Variants in GDF1 observed in about 807,000 individuals in gnomAD.
The protein encoded by GDF1 is growth differentiation factor 1.
GDF1 carries 8 observed loss-of-function variants against 7.4 expected under a neutral mutation model. The observed-to-expected ratio is 1.09, with a 90% CI of 0.64 to 1.96. GDF1 has a LOEUF of 1.96. GDF1 is among the 30% of genes most tolerant of loss of function. The probability of loss-of-function intolerance (pLI) is 0.00; values close to 1 mark genes in which losing one functional copy is unlikely to be tolerated. For synonymous variants in GDF1, 311 were observed against 276.7 expected (o/e 1.12, Z -1.23); for missense variants, 574 against 551.5 (o/e 1.04, Z -0.41).
In GDF1 at chr19:18,872,803, C is replaced by T. The variant is rs912353242; in HGVS notation, c.-312-2184G>A. On this transcript the variant is annotated intron_variant, in intron 6 of 7. Coordinates refer to ENST00000247005, the MANE Select transcript of GDF1 (RefSeq NM_001492.6). ...GTGCTGGGATTACAGGCGTGAGCGC[C>T]GCGCCTGGCTAATTTTTATATTTTT... 3.3e-5 allele frequency among the ~76,000 whole-genome samples: 5 copies of T among 151,482 alleles called. No individual in the cohort carries two copies. In the South Asian group the frequency reaches 8.4e-4, roughly 25 times the overall value.
Position 18,869,224 on chromosome 19 carries a change from C to G in GDF1, c.492G>C (p.Glu164Asp), listed in dbSNP as rs1416772401. 1.4e-5 allele frequency: 19 copies of G among 1,375,642 alleles called. No individual in the cohort carries two copies. Among genetic ancestry groups the G allele is most frequent in the Non-Finnish European group, 1.8e-5 (19 of 1,075,346 alleles). The allele number at this position is 1,375,642 out of a possible 1,614,324, so 85.2% of individuals were successfully genotyped here. A position where few individuals can be genotyped will look rare whatever the true frequency, so the allele number is the denominator to read the frequency against. Reference protein sequence around the residue: ...AAAAAPEGGWELSVAQAGQGA... With the variant: ...AAAAAPEGGWDLSVAQAGQGA... Reference sequence around the variant, plus strand: ...CCTGGCCCGCTTGCGCCACGCTCAGCTCCCAGCCGCCCTCCGGGGCTGCCG... The same window carrying G: ...CCTGGCCCGCTTGCGCCACGCTCAGGTCCCAGCCGCCCTCCGGGGCTGCCG... The change falls in exon 8 of 8, where the codon GAG becomes GAC. Residue 164 changes from glutamate (E) to aspartate (D), a missense_variant. Physicochemically the swap from Glu to Asp is conservative, Grantham distance 45 (BLOSUM62 2). Transcript: ENST00000247005.
chr19:18,887,638 G>A (rs1371335479), intron 2 of GDF1, among the ~76,000 whole-genome samples: 2 of 151,164 alleles, frequency 1.3e-5, no homozygotes, highest in African/African-American at 2.4e-5. Flanking sequence ...CCACCTACTC[G>A]AAGGCTGAGG....
In GDF1 at chr19:18,870,349, G is replaced by A; in HGVS notation, c.-42C>T. On this transcript the variant is annotated 5_prime_UTR_variant, in exon 7 of 8. Coordinates refer to ENST00000247005, the MANE Select transcript of GDF1 (RefSeq NM_001492.6). This position sits in a 1 kb window ranked among gnomAD's most constrained non-coding sequence, Gnocchi z 5.1. Reference sequence around the variant, plus strand: ...GACCAGAGAGTGCGCAGGGTCCGCGGCGGCCCGGGACCAGTGGGCTGAGGG... The same window carrying A: ...GACCAGAGAGTGCGCAGGGTCCGCGACGGCCCGGGACCAGTGGGCTGAGGG... 6.5e-7 allele frequency: 1 copy of A among 1,541,846 alleles called. No homozygotes were observed. The highest frequency in any genetic ancestry group is 2.5e-5 in the East Asian group (1 of 40,726).
In GDF1 at chr19:18,870,257, C is replaced by A; in HGVS notation, c.51G>T (p.Leu17=). ...GPCGHHLLLL[L]ALLLPSLPLT... ...GGGGCAGCGAGGGCAGCAGCAGGGC[C>A]AGGAGGAGGAGGAGGTGGTGGCCGC... is the stretch of plus-strand genomic sequence containing the variant. Residue 17 remains leucine, a synonymous_variant, in exon 7 of 8, where the codon CTG becomes CTT. Transcript: ENST00000247005. This position sits in a 1 kb window ranked among gnomAD's most constrained non-coding sequence, Gnocchi z 5.1. 1 of 1,551,656 alleles carries A rather than the reference C, an allele frequency of 6.4e-7. No individual in the cohort carries two copies.
Position 18,869,107 on chromosome 19 carries a change from C to G in GDF1, c.609G>C (p.Trp203Cys). Residue 203 changes from tryptophan (W) to cysteine (C), a missense_variant, in exon 8 of 8, where the codon TGG (tryptophan) becomes TGC (cysteine). Transcript: ENST00000247005. ...PVRAELLGAA[W>C]ARNASWPRSL... ...TGCGCGGCCATGAGGCGTTGCGAGC[C>G]CAAGCGGCGCCCAGCAGCTCCGCGC... The G allele has an allele frequency of 9.2e-7, 1 of 1,082,808 alleles. No individual in the cohort carries two copies. Among genetic ancestry groups the G allele is most frequent in the South Asian group, 3.3e-5 (1 of 29,864 alleles). The allele number at this position is 1,082,808 out of a possible 1,614,324, so 67.1% of individuals were successfully genotyped here.
rs761391531 is a variant in GDF1 at position 18,893,471 on chromosome 19, G to T, written c.-969C>A. The stretch of plus-strand genomic sequence containing the variant: ...AGGGGTAGTCGGTGCCAAACAGCAG[G>T]TAGGCACTGTAGCTCCAGCTGCCCA... On this transcript the variant is annotated 5_prime_UTR_variant, in exon 2 of 8. An upstream open reading frame in the 5' UTR gains an earlier in-frame stop. Coordinates refer to ENST00000247005, the MANE Select transcript of GDF1 (RefSeq NM_001492.6). The T allele has an allele frequency of 6.2e-7, 1 of 1,607,026 alleles. No individual in the cohort carries two copies. The highest frequency in any genetic ancestry group is 2.2e-5 in the East Asian group (1 of 44,622).
intron 2 of GDF1, 97 bp downstream of exon 2, chr19:18,893,319 A>G: frequency 7.3e-7 from 1 of 1,378,990 alleles, no homozygotes; most frequent in Middle Eastern, 1.9e-4. Context: ...GGCTCCAGTG[A>G]TCCTCCTGCT....
rs1448679066 is a variant in GDF1 at position 18,878,002 on chromosome 19, C to T, written c.-313+928G>A. 2.7e-5 allele frequency: 27 copies of T among 985,372 alleles called. No individual in the cohort carries two copies. The highest frequency in any genetic ancestry group is 5.2e-4 in the Middle Eastern group (1 of 1,936). 61.0% of individuals were successfully genotyped at this position (985,372 alleles called of 1,614,324 possible). ...CTTCCAAACAGGGTGGGGGGTCTGA[C>T]GCTCCTCTGCCTGGCTACAGCCCCG... On this transcript the variant is annotated intron_variant, in intron 6 of 7. Transcript: ENST00000247005. The surrounding 1 kb of genome is among the most constrained non-coding windows in gnomAD (Gnocchi z 4.6).
Position 18,880,353 on chromosome 19 carries a change from A to C in GDF1, c.-650T>G, listed in dbSNP as rs776229587. The C allele has an allele frequency of 1.9e-6, 3 of 1,567,196 alleles. No individual in the cohort carries two copies. Among genetic ancestry groups the C allele is most frequent in the Non-Finnish European group, 2.6e-6 (3 of 1,156,070 alleles). The stretch of plus-strand genomic sequence containing the variant: ...TGGTAGGAGCCGCCGCGGGACTTGA[A>C]GTAAATGTTGAGCTTGGTGAACTCA... On this transcript the variant is annotated 5_prime_UTR_variant, in exon 4 of 8. Coordinates refer to ENST00000247005, the MANE Select transcript of GDF1 (RefSeq NM_001492.6).
chr19:18,874,309 ATTTTTAT>A (rs777430530), intron 6 of GDF1, among the ~76,000 whole-genome samples: 2 of 152,068 alleles, frequency 1.3e-5, no homozygotes, highest in Non-Finnish European at 2.9e-5. Context: ...ACAGTTTTCT[ATTTTTAT>A]TTTTTGAGAC....
Position 18,868,754 on chromosome 19 carries a change from C to A in GDF1, c.962G>T (p.Arg321Leu). 1 of 1,516,672 alleles carries A rather than the reference C, an allele frequency of 6.6e-7. No individual in the cohort carries two copies. Among genetic ancestry groups the A allele is most frequent in the Non-Finnish European group, 8.9e-7 (1 of 1,126,806 alleles). The allele number at this position is 1,516,672 out of a possible 1,614,324, so 94.0% of individuals were successfully genotyped here. The change falls in exon 8 of 8, where the codon CGC becomes CTC. Residue 321 changes from arginine (R) to leucine (L), a missense_variant. Arg to Leu is a moderately radical substitution (Grantham distance 102, BLOSUM62 -2). Transcript: ENST00000247005. ...GPPALNHAVLRALMHAAAPGA... is the reference protein window; with the variant it reads ...GPPALNHAVLLALMHAAAPGA... ...CGGGGCGGCCGCGTGCATGAGCGCGCGCAGCACAGCGTGGTTGAGCGCCGG... is the reference window on the plus strand; with the variant it reads ...CGGGGCGGCCGCGTGCATGAGCGCGAGCAGCACAGCGTGGTTGAGCGCCGG...
rs756469531 is a variant in GDF1 at position 18,870,141 on chromosome 19, C to T, written c.167G>A (p.Arg56Gln). The change falls in exon 7 of 8, where the codon CGG (arginine) becomes CAG (glutamine). Residue 56 changes from arginine to glutamine, a missense_variant. Transcript: ENST00000247005. This position sits in a 1 kb window ranked among gnomAD's most constrained non-coding sequence, Gnocchi z 5.1. Reference protein sequence around the residue: ...RDEPQGAPRLRPVPPVMWRLF... With the variant: ...RDEPQGAPRLQPVPPVMWRLF... ...GCGCCACATGACCGGGGGAACCGGC[C>T]GGAGCCTGGGGGCACCCTGGGGCTC... 1.3e-6 allele frequency: 2 copies of T among 1,564,296 alleles called. No individual in the cohort carries two copies. The highest frequency in any genetic ancestry group is 2.3e-5 in the East Asian group (1 of 43,688).
chr19:18,877,669 T>C (rs1345447729), intron 6 of GDF1, among the ~76,000 whole-genome samples: 1 of 150,438 alleles, frequency 6.6e-6, no homozygotes, highest in Admixed American at 6.7e-5. Flanking sequence ...GGAGGATCAC[T>C]TCCTGGGCCT....
At chr19:18,871,497 C>G (rs1382177498) in intron 6 of GDF1, among the ~76,000 whole-genome samples, 1 of 152,166 alleles carries the variant, frequency 6.6e-6, no homozygotes, top group Non-Finnish European at 1.5e-5. Flanking sequence ...GCTGGGATTA[C>G]AGGCGTGAGC....
At chr19:18,877,925 A>T in intron 6 of GDF1, 3 of 969,434 alleles carry the variant, frequency 3.1e-6, no homozygotes, top group Non-Finnish European at 3.7e-6. Flanking sequence ...GTCGTCTTTG[A>T]TTCTTTTATT....
chr19:18,880,674 C>T (rs1375002687), intron 3 of GDF1, among the ~76,000 whole-genome samples: 1 of 151,926 alleles, frequency 6.6e-6, no homozygotes, highest in East Asian at 1.9e-4. Flanking sequence ...CCTCAGTGTC[C>T]CCATGTGGCC....
rs1291714515 is a variant in GDF1 at position 18,870,117 on chromosome 19, C to T, written c.191G>A (p.Arg64His). Residue 64 changes from arginine (R) to histidine (H), a missense_variant, in exon 7 of 8, where the codon CGC becomes CAC. Physicochemically the swap from Arg to His is conservative, Grantham distance 29. Coordinates refer to ENST00000247005, the MANE Select transcript of GDF1 (RefSeq NM_001492.6). This position sits in a 1 kb window ranked among gnomAD's most constrained non-coding sequence, Gnocchi z 5.1. ...RLRPVPPVMW[R>H]LFRRRDPQET... ...CTGGGGGTCCCGGCGTCGAAACAGGCGCCACATGACCGGGGGAACCGGCCG... is the reference window on the plus strand; with the variant it reads ...CTGGGGGTCCCGGCGTCGAAACAGGTGCCACATGACCGGGGGAACCGGCCG... The T allele has an allele frequency of 1.3e-6, 2 of 1,566,412 alleles. No homozygotes were observed. The highest frequency in any genetic ancestry group is 8.6e-7 in the Non-Finnish European group (1 of 1,161,324).
intron 6 of GDF1, among the ~76,000 whole-genome samples, chr19:18,872,099 G>C (rs1479061174): frequency 6.6e-6 from 1 of 152,246 alleles, no homozygotes; most frequent in Non-Finnish European, 1.5e-5. Flanking sequence ...TCTTAGGTTA[G>C]TTTCTCCACT....
At chr19:18,869,857 G>T (rs2055932510) in intron 7 of GDF1, 126 bp downstream of exon 7, 3 of 900,390 alleles carry the variant, frequency 3.3e-6, no homozygotes, top group Non-Finnish European at 5.3e-6. Flanking sequence ...GGCCGAAGTT[G>T]CTAGTAGCCT....
Sources: gnomAD v4.1 joint callset for allele counts (sites outside exome capture counted in the v4.1 genomes callset) on GRCh38, gnomAD v4.1.1 for gene constraint, Gnocchi (gnomAD v3.1) non-coding constraint, MANE v1.5 for transcripts, NCBI Gene and HGNC (gene_info 2026-07-23, HGNC 2026-07-21) for gene names.